GPI: variants seen among roughly 807,000 people sequenced by gnomAD.
GPI encodes the protein D-hexose-6-phosphate anomerase.
Under a neutral mutation model 75.8 loss-of-function variants are expected in GPI, and 56 were observed. The ratio of observed to expected loss-of-function variants is 0.74; its 90% CI spans 0.60 to 0.92. GPI has a LOEUF of 0.92. GPI is among the 40% of genes least tolerant of loss of function. GPI has a pLI of 0.00. For synonymous variants in GPI, 288 were observed against 285.4 expected (o/e 1.01, Z -0.09); for missense variants, 638 against 741.0 (o/e 0.86, Z 1.61).
At position 34,369,135 on chromosome 19, in the gene GPI, G is replaced by A. The variant is rs1027582024; in HGVS notation, c.402+433G>A. Among the ~76,000 whole-genome samples, 6 of 150,484 alleles carry A rather than the reference G, an allele frequency of 4.0e-5. No individual in the cohort carries two copies. In the East Asian group the frequency reaches 9.8e-4, roughly 25 times the overall value. ...GCTATCTCAGCTCACTGCAACTTCC[G>A]CCTCCTGGATTCAAGCTATTCTCCT... On this transcript the variant is annotated intron_variant, in intron 4 of 17. Coordinates refer to ENST00000356487, the MANE Select transcript of GPI (RefSeq NM_000175.5).
At chr19:34,387,968 G>A (rs1016497658) in intron 9 of GPI, among the ~76,000 whole-genome samples, 6 of 152,168 alleles carry the variant, frequency 3.9e-5, no homozygotes, top group South Asian at 2.1e-4. Flanking sequence ...AGGGAAAGCC[G>A]TAGTCATTGT....
Position 34,400,018 on chromosome 19 carries a change from C to G in GPI, c.1659C>G (p.Arg553=). The part of the protein sequence containing the change: ...NGLINFIKQQ[R]EARVQ ...TCATCAACTTCATCAAGCAGCAGCG[C>G]GAGGCCAGAGTCCAATAAACTCGTG... Residue 553 remains arginine, a synonymous_variant, in exon 18 of 18, where the codon CGC becomes CGG. Coordinates refer to ENST00000356487, the MANE Select transcript of GPI (RefSeq NM_000175.5). The G allele has an allele frequency of 6.2e-7, 1 of 1,612,820 alleles. No homozygotes were observed. Among genetic ancestry groups the G allele is most frequent in the East Asian group, 2.2e-5 (1 of 44,878 alleles).
intron 8 of GPI, 139 bp from the exon 9 acceptor site, chr19:34,381,327 C>T: frequency 2.7e-6 from 2 of 749,272 alleles, no homozygotes; most frequent in South Asian, 1.4e-5. Context: ...CAGGCTGCTC[C>T]AGCCCTGCCC....
chr19:34,375,663 C>G (rs1315722303), intron 4 of GPI, among the ~76,000 whole-genome samples: 3 of 152,134 alleles, frequency 2.0e-5, no homozygotes, highest in African/African-American at 7.2e-5. Context: ...GGAAAAAGGC[C>G]TTAGTTCGCT....
At chr19:34,368,410 C>T (rs2074398449) in intron 3 of GPI, among the ~76,000 whole-genome samples, 173 bp from the exon 4 acceptor site, 1 of 152,226 alleles carries the variant, frequency 6.6e-6, no homozygotes, top group African/African-American at 2.4e-5. Flanking sequence ...TGGGGAGCTC[C>T]TACTCCTCTA....
chr19:34,368,643 G>T lies in GPI; in HGVS notation c.343G>T (p.Gly115Cys), dbSNP rs147335501. ...NRSNTPILVD[G>C]KDVMPEVNKV... is the part of the protein sequence containing the mutation. Reference sequence around the variant, plus strand: ...GTCAAACACACCCATCCTGGTAGACGGCAAGGATGTGATGCCAGAGGTCAA... The same window carrying T: ...GTCAAACACACCCATCCTGGTAGACTGCAAGGATGTGATGCCAGAGGTCAA... The change falls in exon 4 of 18, where the codon GGC (glycine) becomes TGC (cysteine). Residue 115 changes from glycine (G) to cysteine (C), a missense_variant. By Grantham distance (159) the Gly-to-Cys change is radical (BLOSUM62 -3). Transcript: ENST00000356487. 29 of 1,613,710 alleles carry T rather than the reference G, an allele frequency of 1.8e-5. No homozygotes were observed. Among genetic ancestry groups the T allele is most frequent in the Non-Finnish European group, 2.5e-5 (29 of 1,179,734 alleles).
At chr19:34,368,453 G>T in intron 3 of GPI, 130 bp from the exon 4 acceptor site, 1 of 939,692 alleles carries the variant, frequency 1.1e-6, no homozygotes, top group South Asian at 1.5e-5. Flanking sequence ...CAAGGTTATG[G>T]TGCTAACAGA....
In GPI at chr19:34,400,287, T is replaced by C. The variant is rs537219973; in HGVS notation, c.*251T>C. 1.7e-6 allele frequency: 1 copy of C among 603,614 alleles called. No individual in the cohort carries two copies. Among genetic ancestry groups the C allele is most frequent in the Admixed American group, 2.9e-5 (1 of 35,060 alleles). 37.4% of individuals were successfully genotyped at this position (603,614 alleles called of 1,614,324 possible). ...CTGACTTTTCTGACCCATGTTCACG[T>C]TGTTCACATCCCATGTAGAAAAATA... is the stretch of plus-strand genomic sequence containing the variant. On this transcript the variant is annotated 3_prime_UTR_variant, in exon 18 of 18. Coordinates refer to ENST00000356487, the MANE Select transcript of GPI (RefSeq NM_000175.5).
At position 34,379,503 on chromosome 19, in the gene GPI, C is replaced by T. The variant is rs2074607752; in HGVS notation, c.706-15C>T. The T allele has an allele frequency of 5.6e-6, 9 of 1,613,606 alleles. No homozygotes were observed. Among genetic ancestry groups the T allele is most frequent in the Non-Finnish European group, 7.6e-6 (9 of 1,179,480 alleles). ...CCCTGGGCTGGCTGTGGTAACTTGGCTCTGTCTCTTGTAGCCTTCTGCAGT... is the reference window on the plus strand; with the variant it reads ...CCCTGGGCTGGCTGTGGTAACTTGGTTCTGTCTCTTGTAGCCTTCTGCAGT... On this transcript the variant is annotated splice_polypyrimidine_tract_variant and intron_variant, in intron 7 of 17. Transcript: ENST00000356487.
intron 9 of GPI, chr19:34,392,064 A>T: frequency 6.0e-6 from 1 of 167,862 alleles, no homozygotes; most frequent in South Asian, 1.8e-4. Flanking sequence ...TACAGGTGTG[A>T]GGATCTGGGT....
chr19:34,396,340 G>A lies in GPI; in HGVS notation c.1102G>A (p.Gly368Arg), dbSNP rs1276728459. The A allele has an allele frequency of 6.2e-7, 1 of 1,614,204 alleles. No homozygotes were observed. Among genetic ancestry groups the A allele is most frequent in the East Asian group, 2.2e-5 (1 of 44,882 alleles). The change falls in exon 13 of 18, where the codon GGA becomes AGA. Residue 368 changes from glycine to arginine, a missense_variant. Gly to Arg is a moderately radical substitution (Grantham distance 125, BLOSUM62 -2). Coordinates refer to ENST00000356487, the MANE Select transcript of GPI (RefSeq NM_000175.5). ...CAATGGGAAATACATCACCAAATCT[G>A]GAACCCGTGTGGACCACCAGACAGG... ...ESNGKYITKSGTRVDHQTGPI... is the reference protein window; with the variant it reads ...ESNGKYITKSRTRVDHQTGPI...
chr19:34,366,791 C>G lies in GPI; in HGVS notation c.222C>G (p.Ser74=). 4 of 1,612,804 alleles carry G rather than the reference C, an allele frequency of 2.5e-6. No individual in the cohort carries two copies. The highest frequency in any genetic ancestry group is 3.4e-6 in the Non-Finnish European group (4 of 1,179,522). ...VMRMLVDLAK[S]RGVEAARERM... is the part of the protein sequence containing the mutation. ...GTATCGTCTCTTCCTAGGCCAAGTC[C>G]AGGGGCGTGGAGGCCGCCCGGGAGC... Residue 74 remains serine (S), a synonymous_variant, in exon 3 of 18, where the codon TCC becomes TCG. Coordinates refer to ENST00000356487, the MANE Select transcript of GPI (RefSeq NM_000175.5).
chr19:34,362,078 G>A (rs2074304335), upstream of GPI, among the ~76,000 whole-genome samples: 1 of 143,108 alleles, frequency 7.0e-6, no homozygotes. Flanking sequence ...TGGTGCCACT[G>A]CACTCTGGCC....
In GPI at chr19:34,399,198, G is replaced by A. The variant is rs191051353; in HGVS notation, c.1270-9G>A. The A allele has an allele frequency of 2.9e-4, 470 of 1,611,088 alleles. No individual in the cohort carries two copies. Among genetic ancestry groups the A allele is most frequent in the Non-Finnish European group, 3.7e-4 (435 of 1,178,958 alleles). ...TGCTCTCAAGCATAACTGATGTCTC[G>A]CTCATCAGATCCTCCTGGCCAACTT... On this transcript the variant is annotated splice_polypyrimidine_tract_variant and intron_variant, in intron 14 of 17. Coordinates refer to ENST00000356487, the MANE Select transcript of GPI (RefSeq NM_000175.5).
Position 34,379,538 on chromosome 19 carries a change from C to A in GPI, c.726C>A (p.His242Gln). ...AAKDPSAVAK[H>Q]FVALSTNTTK... ...TGTAGCCTTCTGCAGTGGCGAAGCA[C>A]TTTGTTGCCCTGTCTACTAACACAG... Residue 242 changes from histidine to glutamine, a missense_variant, in exon 8 of 18, where the codon CAC becomes CAA. His to Gln is a conservative substitution (Grantham distance 24, BLOSUM62 0). Coordinates refer to ENST00000356487, the MANE Select transcript of GPI (RefSeq NM_000175.5). The A allele has an allele frequency of 6.2e-7, 1 of 1,614,118 alleles. No individual in the cohort carries two copies. Among genetic ancestry groups the A allele is most frequent in the African/African-American group, 1.3e-5 (1 of 75,060 alleles).
rs1185122878 is a variant in GPI, at chr19:34,400,478, G to A, written c.*442G>A. The A allele has an allele frequency of 1.9e-6, 1 of 536,456 alleles. No individual in the cohort carries two copies. Among genetic ancestry groups the A allele is most frequent in the Non-Finnish European group, 3.3e-6 (1 of 307,206 alleles). The allele number at this position is 536,456 out of a possible 1,614,324, so 33.2% of individuals were successfully genotyped here. ...TCTAGAGTGGAGCAAGGTGCCCTGA[G>A]AAGACAATAGTGGGGTGGGGGCACA... is the stretch of plus-strand genomic sequence containing the variant. On this transcript the variant is annotated 3_prime_UTR_variant, in exon 18 of 18. Coordinates refer to ENST00000356487, the MANE Select transcript of GPI (RefSeq NM_000175.5).
At chr19:34,388,960 G>C (rs539737529) in intron 9 of GPI, among the ~76,000 whole-genome samples, 6 of 152,064 alleles carry the variant, frequency 3.9e-5, no homozygotes, top group Non-Finnish European at 8.8e-5. Context: ...AAGCATGGTG[G>C]TGTGTGCCTG....
chr19:34,388,174 T>G (rs1035370739), intron 9 of GPI, among the ~76,000 whole-genome samples: 2 of 152,208 alleles, frequency 1.3e-5, no homozygotes, highest in African/African-American at 4.8e-5. Flanking sequence ...ACACAGGGTC[T>G]GAGTTAAAAG....
Position 34,399,317 on chromosome 19 carries a change from G to A in GPI, c.1380G>A (p.Glu460=). Reference sequence around the variant, plus strand: ...CGGGCAAGAGTCCAGAGGACCTTGAGAGGCTGCTGCCACATAAGGTCAGCA... The same window carrying A: ...CGGGCAAGAGTCCAGAGGACCTTGAAAGGCTGCTGCCACATAAGGTCAGCA... ...QAAGKSPEDL[E]RLLPHKVFEG... is the part of the protein sequence containing the mutation. The change falls in exon 15 of 18, where the codon GAG becomes GAA. Residue 460 remains glutamate (E), a synonymous_variant. Transcript: ENST00000356487. 1.9e-6 allele frequency: 3 copies of A among 1,614,184 alleles called. No individual in the cohort carries two copies. Among genetic ancestry groups the A allele is most frequent in the Non-Finnish European group, 2.5e-6 (3 of 1,180,042 alleles).
Sources: gnomAD v4.1 joint callset for allele counts (sites outside exome capture counted in the v4.1 genomes callset) on GRCh38, gnomAD v4.1.1 for gene constraint, MANE v1.5 for transcripts, NCBI Gene and HGNC (gene_info 2026-07-23, HGNC 2026-07-21) for gene names.